Variants in DNAJC27 observed in about 807,000 individuals in gnomAD.
The protein encoded by DNAJC27 is DnaJ heat shock protein family (Hsp40) member C27.
In DNAJC27, 25 loss-of-function variants were observed where a neutral mutation model predicts 31.4. The observed-to-expected ratio is 0.80, with a 90% CI of 0.58 to 1.11. DNAJC27 has a LOEUF of 1.11. Ranked by LOEUF, DNAJC27 falls within the 50% of genes most tolerant of loss-of-function variation. The pLI is 0.00. For missense variants in DNAJC27, 356 were observed against 347.3 expected, an observed-to-expected ratio of 1.02 and a Z score of -0.20; for synonymous variants, 106 against 112.7, an observed-to-expected ratio of 0.94 and a Z score of 0.37.
At position 24,947,514 on chromosome 2, in the gene DNAJC27, G is replaced by C. The variant is rs1054709322; in HGVS notation, c.*102C>G. ...ACAAATGACAACACATGAATGAAAA[G>C]AGCAGTGAGATTCTGGGAAGGAAAA... On this transcript the variant is annotated 3_prime_UTR_variant, in exon 7 of 7. Coordinates refer to ENST00000264711, the MANE Select transcript of DNAJC27 (RefSeq NM_016544.3). The C allele has an allele frequency of 7.3e-7, 1 of 1,365,006 alleles. No homozygotes were observed. Among genetic ancestry groups the C allele is most frequent in the African/African-American group, 1.4e-5 (1 of 68,996 alleles). 84.6% of individuals were successfully genotyped at this position (1,365,006 alleles called of 1,614,324 possible).
chr2:24,958,818 A>T (rs1368679904), intron 3 of DNAJC27, among the ~76,000 whole-genome samples: 1 of 152,220 alleles, frequency 6.6e-6, no homozygotes, highest in East Asian at 1.9e-4. Flanking sequence ...GAGAGAAGTT[A>T]AGGAGCAGCA....
Position 24,967,257 on chromosome 2 carries a change from CG to C in DNAJC27, c.123del (p.Phe41LeufsTer52). On this transcript the variant is annotated frameshift_variant, in exon 2 of 7. Transcript: ENST00000264711. LOFTEE classifies it high-confidence loss of function. ...CIIKRYCEKR[F>X]VSKYLATIGI... is the part of the protein sequence containing the mutation. ...CCAATTGTTGCCAGGTATTTAGACA[CG>C]AATCTTTTCTCACAGTATCGCTTTA... 1.9e-6 allele frequency: 3 copies of C among 1,613,764 alleles called. No individual in the cohort carries two copies. Among genetic ancestry groups the C allele is most frequent in the Non-Finnish European group, 2.5e-6 (3 of 1,179,774 alleles).
chr2:24,969,240 G>T, intron 1 of DNAJC27: 1 of 192,766 alleles, frequency 5.2e-6, no homozygotes, highest in South Asian at 1.1e-4. Flanking sequence ...AACTTGAAAA[G>T]GGAATCATGT....
chr2:24,952,333 A>G (rs1191099565), intron 5 of DNAJC27, among the ~76,000 whole-genome samples: 1 of 152,194 alleles, frequency 6.6e-6, no homozygotes, highest in Non-Finnish European at 1.5e-5. Context: ...AACATGTACT[A>G]AAGGAGATCA....
upstream of DNAJC27, chr2:24,972,000 C>T (rs967181451): frequency 2.4e-5 from 21 of 878,678 alleles, no homozygotes; most frequent in Non-Finnish European, 3.4e-5. Context: ...AGCCGCTGCT[C>T]TCGTCACCGC....
intron 1 of DNAJC27, chr2:24,969,357 A>G (rs1666267911): frequency 1.2e-5 from 2 of 160,634 alleles, no homozygotes; most frequent in African/African-American, 4.8e-5. Context: ...TTTATACATC[A>G]CAGAAACCAA....
At chr2:24,950,083 A>G (rs1319723931) in intron 6 of DNAJC27, among the ~76,000 whole-genome samples, 2 of 151,800 alleles carry the variant, frequency 1.3e-5, no homozygotes, top group Non-Finnish European at 2.9e-5. Flanking sequence ...AATAAACCAA[A>G]GAGTATAGCA....
chr2:24,944,204 T>G lies in DNAJC27; in HGVS notation c.*3412A>C, dbSNP rs954269629. The G allele has an allele frequency of 3.9e-5, 6 of 152,154 alleles. No homozygotes were observed. The highest frequency in any genetic ancestry group is 1.4e-4 in the African/African-American group (6 of 41,440). 9.4% of individuals were successfully genotyped at this position (152,154 alleles called of 1,614,324 possible). The stretch of plus-strand genomic sequence containing the variant: ...GGGTACAGTGGCAAAGGAGGTGACA[T>G]TCCCATGCCTAGTGGAATTAGTTGT... On this transcript the variant is annotated 3_prime_UTR_variant, in exon 7 of 7. Transcript: ENST00000264711.
chr2:24,959,424 G>A (rs867535160), intron 3 of DNAJC27, among the ~76,000 whole-genome samples: 1 of 152,282 alleles, frequency 6.6e-6, no homozygotes, highest in Middle Eastern at 3.4e-3. Flanking sequence ...TTCCAGACCT[G>A]CATTTCTAAT....
At chr2:24,960,825 A>G (rs1666023073) in intron 3 of DNAJC27, among the ~76,000 whole-genome samples, 1 of 152,262 alleles carries the variant, frequency 6.6e-6, no homozygotes, top group African/African-American at 2.4e-5. Flanking sequence ...TTGTTGGTTC[A>G]TGAGGTTTAG....
At chr2:24,954,699 A>C (rs1665863034) in intron 5 of DNAJC27, among the ~76,000 whole-genome samples, 1 of 152,214 alleles carries the variant, frequency 6.6e-6, no homozygotes, top group Non-Finnish European at 1.5e-5. Flanking sequence ...GCACTGTGGG[A>C]GGCCGAGGCG....
intron 3 of DNAJC27, among the ~76,000 whole-genome samples, chr2:24,962,372 C>T (rs1666071182): frequency 6.6e-6 from 1 of 152,164 alleles, no homozygotes; most frequent in South Asian, 2.1e-4. Context: ...TCTCCTACCT[C>T]AGCCTCCCAG....
At chr2:24,958,404 TC>T in intron 3 of DNAJC27, 1 of 190,726 alleles carries the variant, frequency 5.2e-6, no homozygotes. Flanking sequence ...AAAGCTGGCT[TC>T]CCCCAGGGTG....
chr2:24,948,270 G>T (rs900630416), intron 6 of DNAJC27, among the ~76,000 whole-genome samples: 1 of 152,202 alleles, frequency 6.6e-6, no homozygotes, highest in Non-Finnish European at 1.5e-5. Flanking sequence ...ACTGTTTCTT[G>T]AAGTTAGGAT....
chr2:24,964,658 G>A (rs1409371999), intron 2 of DNAJC27, among the ~76,000 whole-genome samples: 1 of 152,044 alleles, frequency 6.6e-6, no homozygotes, highest in East Asian at 1.9e-4. Context: ...GTTTGAAATA[G>A]GTTTCTGTCA....
chr2:24,965,473 C>T (rs1335874353), intron 2 of DNAJC27, among the ~76,000 whole-genome samples: 1 of 152,032 alleles, frequency 6.6e-6, no homozygotes, highest in Non-Finnish European at 1.5e-5. Context: ...CCAGGCTGGT[C>T]TCAAACTCCT....
At chr2:24,966,188 C>T (rs192755342) in intron 2 of DNAJC27, among the ~76,000 whole-genome samples, 5 of 152,216 alleles carry the variant, frequency 3.3e-5, no homozygotes, top group African/African-American at 1.2e-4. Flanking sequence ...AGTGGACAGG[C>T]TGGATAATGG....
At chr2:24,958,308 GA>G (rs1665956372) in intron 3 of DNAJC27, among the ~76,000 whole-genome samples, 1 of 152,180 alleles carries the variant, frequency 6.6e-6, no homozygotes. Context: ...GAAGAATTAG[GA>G]AGGTGAGTGA....
intron 3 of DNAJC27, chr2:24,958,440 G>C (rs556630839): frequency 3.9e-5 from 8 of 206,208 alleles, no homozygotes; most frequent in Non-Finnish European, 8.5e-5. Flanking sequence ...CCTGACTCTC[G>C]GGTCTGCACA....
Sources: allele counts gnomAD v4.1 joint callset (sites outside exome capture counted in the v4.1 genomes callset), GRCh38; gene constraint gnomAD v4.1.1; transcripts MANE v1.5; gene names NCBI Gene and HGNC (gene_info 2026-07-23, HGNC 2026-07-21).